NAV3: variants seen among roughly 807,000 people sequenced by gnomAD.
NAV3 encodes neuron navigator 3, also known as pore membrane and/or filament interacting like protein 1.
Under a neutral mutation model 244.7 loss-of-function variants are expected in NAV3, and 87 were observed. The ratio of observed to expected loss-of-function variants is 0.36; its 90% CI spans 0.30 to 0.42. The LOEUF (loss-of-function observed/expected upper bound fraction) is 0.42, where lower values mean the gene tolerates loss of function less well. Among genes scored for constraint, NAV3 ranks in the 20% least tolerant of loss-of-function variants. NAV3 has a pLI of 1.00. For synonymous variants in NAV3, 1,126 were observed against 1,042.2 expected (o/e 1.08, Z -1.55); for missense variants, 2,663 against 2,893.3 (o/e 0.92, Z 1.83).
intron 2 of NAV3, among the ~76,000 whole-genome samples, chr12:77,690,810 A>G (rs1874976608): frequency 8.1e-4 from 1 of 1,232 alleles, no homozygotes; most frequent in East Asian, 0.062. Context: ...AATAATATTC[A>G]CTCAAAAACT....
intron 1 of NAV3, among the ~76,000 whole-genome samples, chr12:77,839,113 T>C (rs778809805): frequency 1.3e-5 from 2 of 152,176 alleles, no homozygotes; most frequent in Admixed American, 6.5e-5. Flanking sequence ...CAGCGTAGGA[T>C]ATTTGGCAGC....
chr12:77,679,142 T>C (rs1337626639), intron 2 of NAV3, among the ~76,000 whole-genome samples: 1 of 152,204 alleles, frequency 6.6e-6, no homozygotes, highest in Non-Finnish European at 1.5e-5. Context: ...CTCTGGATTT[T>C]TTTTAACCTC....
intron 2 of NAV3, among the ~76,000 whole-genome samples, chr12:77,771,693 C>T (rs1483228276): frequency 6.6e-6 from 1 of 151,680 alleles, no homozygotes. Context: ...TGTTCTCACT[C>T]ATAGGTGGGA....
intron 5 of NAV3, among the ~76,000 whole-genome samples, chr12:77,989,466 C>CA (rs1308936066): frequency 3.9e-5 from 6 of 152,088 alleles, no homozygotes; most frequent in Non-Finnish European, 8.8e-5. Context: ...ACCAACCAAC[C>CA]AACCAAACAA....
chr12:77,887,078 C>T (rs1473056919), intron 1 of NAV3, among the ~76,000 whole-genome samples: 1 of 152,090 alleles, frequency 6.6e-6, no homozygotes, highest in Non-Finnish European at 1.5e-5. Context: ...AGAACCCATT[C>T]TGGAGAAATA....
intron 1 of NAV3, among the ~76,000 whole-genome samples, chr12:77,862,830 A>G (rs909361145): frequency 6.6e-6 from 1 of 151,776 alleles, no homozygotes; most frequent in Non-Finnish European, 1.5e-5. Context: ...TGGATGAAGC[A>G]ACTGTTTATT....
intron 2 of NAV3, among the ~76,000 whole-genome samples, chr12:77,657,485 A>G (rs1199183846): frequency 6.6e-6 from 1 of 152,184 alleles, no homozygotes; most frequent in Non-Finnish European, 1.5e-5. Flanking sequence ...CACCAAAAAG[A>G]GTCCAGGACC....
chr12:77,635,244 G>T (rs931250829), intron 2 of NAV3, among the ~76,000 whole-genome samples: 1 of 151,824 alleles, frequency 6.6e-6, no homozygotes, highest in Non-Finnish European at 1.5e-5. Flanking sequence ...AAAAAAGAGA[G>T]AAATGTGGTC....
rs1345568289 is a variant in NAV3 at position 78,180,851 on chromosome 12, G to T, written c.5518-20G>T. On this transcript the variant is annotated intron_variant, in intron 29 of 39. Coordinates refer to ENST00000397909, the MANE Select transcript of NAV3 (RefSeq NM_001024383.2). ...ATCAAACCAACTCAGTTTTTTTCAT[G>T]TTTTCCATCTTCATAACAGAATGAA... 4.4e-6 allele frequency: 7 copies of T among 1,585,270 alleles called. No individual in the cohort carries two copies. Among genetic ancestry groups the T allele is most frequent in the Non-Finnish European group, 6.0e-6 (7 of 1,164,498 alleles).
chr12:77,974,546 C>T (rs1396871956), intron 5 of NAV3, among the ~76,000 whole-genome samples: 1 of 152,082 alleles, frequency 6.6e-6, no homozygotes, highest in Non-Finnish European at 1.5e-5. Flanking sequence ...GATCTGCCCG[C>T]CTCAGCCTCC....
At chr12:77,698,643 C>A (rs987988961) in intron 2 of NAV3, among the ~76,000 whole-genome samples, 1 of 152,056 alleles carries the variant, frequency 6.6e-6, no homozygotes, top group Non-Finnish European at 1.5e-5. Flanking sequence ...TGGGTATGGT[C>A]ACCCAGAATA....
intron 15 of NAV3, 50 bp from the exon 16 acceptor site, chr12:78,121,890 G>A (rs1432497144): frequency 1.3e-6 from 2 of 1,598,300 alleles, no homozygotes; most frequent in East Asian, 2.2e-5. Context: ...TATTAAATGT[G>A]GATATTAGCT....
chr12:78,155,837 A>C (rs1055049376), intron 22 of NAV3, among the ~76,000 whole-genome samples: 1 of 151,664 alleles, frequency 6.6e-6, no homozygotes, highest in Non-Finnish European at 1.5e-5. Flanking sequence ...CCCACTTTTT[A>C]ATGGGGAAGT....
At chr12:77,902,732 A>T (rs1195361015) in intron 1 of NAV3, among the ~76,000 whole-genome samples, 1 of 152,188 alleles carries the variant, frequency 6.6e-6, no homozygotes, top group African/African-American at 2.4e-5. Context: ...ATGATTGTAT[A>T]TCTAGAAAAC....
intron 22 of NAV3, among the ~76,000 whole-genome samples, chr12:78,157,674 T>A (rs767926525): frequency 8.8e-4 from 134 of 152,192 alleles, no homozygotes; most frequent in Middle Eastern, 3.4e-3. Context: ...TCATTGAAAA[T>A]TTTTTAAACT....
intron 7 of NAV3, among the ~76,000 whole-genome samples, chr12:78,002,846 T>C (rs1566006405): frequency 6.6e-6 from 1 of 151,902 alleles, no homozygotes; most frequent in Non-Finnish European, 1.5e-5. Flanking sequence ...TCTATATCTA[T>C]ATATTTATAT....
At chr12:78,120,020 G>A (rs1955601336) in intron 15 of NAV3, 75 bp downstream of exon 15, 2 of 1,100,524 alleles carry the variant, frequency 1.8e-6, no homozygotes, top group East Asian at 2.6e-5. Context: ...ACATATAAAT[G>A]TGTGTATATA....
chr12:78,090,334 G>A (rs1272848352), intron 12 of NAV3, among the ~76,000 whole-genome samples: 1 of 151,258 alleles, frequency 6.6e-6, no homozygotes, highest in East Asian at 1.9e-4. Flanking sequence ...ACAAATGATT[G>A]TGGATGATAT....
At chr12:77,631,866 C>T (rs913020549) in intron 2 of NAV3, among the ~76,000 whole-genome samples, 5 of 152,186 alleles carry the variant, frequency 3.3e-5, no homozygotes, top group Non-Finnish European at 1.5e-5. Context: ...GGGCCTATTC[C>T]ACTTTCCTAA....
Sources: allele counts gnomAD v4.1 joint callset (sites outside exome capture counted in the v4.1 genomes callset), GRCh38; gene constraint gnomAD v4.1.1; transcripts MANE v1.5; gene names NCBI Gene and HGNC (gene_info 2026-07-23, HGNC 2026-07-21).